Variants in SLC36A2 observed in about 807,000 individuals in gnomAD.
SLC36A2 encodes the protein proton-coupled amino acid transporter 2.
Under a neutral mutation model 42.7 loss-of-function variants are expected in SLC36A2, and 39 were observed. That is an observed-to-expected ratio of 0.91 (90% CI 0.71 to 1.19). The LOEUF (loss-of-function observed/expected upper bound fraction) is 1.19. Among genes scored for constraint, SLC36A2 ranks in the 50% most tolerant of loss-of-function variants. The probability of loss-of-function intolerance (pLI) is 0.00; values close to 1 mark genes in which losing one functional copy is unlikely to be tolerated. For missense variants in SLC36A2, 590 were observed against 613.7 expected (o/e 0.96, Z 0.41); for synonymous variants, 237 against 240.8 (o/e 0.98, Z 0.15).
At chr5:151,342,514 C>T (rs1051820353) in intron 4 of SLC36A2, among the ~76,000 whole-genome samples, 24 of 152,198 alleles carry the variant, frequency 1.6e-4, no homozygotes, top group Non-Finnish European at 2.2e-4. Flanking sequence ...CATATCCAAG[C>T]GGCTATTAAA....
At chr5:151,322,735 T>C (rs1430955362) in intron 8 of SLC36A2, among the ~76,000 whole-genome samples, 1 of 152,184 alleles carries the variant, frequency 6.6e-6, no homozygotes, top group African/African-American at 2.4e-5. Context: ...AGAGACAGTT[T>C]ATAAATAGGG....
rs768282792 is a variant in SLC36A2, at chr5:151,333,365, A to G, written c.745-43T>C. 2.6e-6 allele frequency: 4 copies of G among 1,514,478 alleles called. No individual in the cohort carries two copies. The South Asian group carries it at 4.5e-5, about 17-fold the overall frequency. The allele number at this position is 1,514,478 out of a possible 1,614,324, so 93.8% of individuals were successfully genotyped here. On this transcript the variant is annotated intron_variant, in intron 6 of 9. Transcript: ENST00000335244. ...GCTATGAGACAGTCACTCTTAAAGC[A>G]CATTTGAGCTCCTTTAAGAGAAGGG...
chr5:151,346,615 C>T (rs1756504327), intron 1 of SLC36A2, among the ~76,000 whole-genome samples: 1 of 152,154 alleles, frequency 6.6e-6, no homozygotes, highest in African/African-American at 2.4e-5. Flanking sequence ...TACCACACCC[C>T]ACACCTTTTG....
chr5:151,332,144 G>A (rs896162720), intron 7 of SLC36A2, among the ~76,000 whole-genome samples: 2 of 151,994 alleles, frequency 1.3e-5, no homozygotes, highest in Non-Finnish European at 2.9e-5. Context: ...TGAGATTACC[G>A]ACGTGAACCA....
intron 6 of SLC36A2, among the ~76,000 whole-genome samples, chr5:151,335,059 C>T: frequency 6.6e-6 from 1 of 152,026 alleles, no homozygotes; most frequent in Non-Finnish European, 1.5e-5. Context: ...GTTCACCAAC[C>T]AAGATGTTTT....
chr5:151,316,833 G>T lies in SLC36A2; in HGVS notation c.1436C>A (p.Thr479Asn). 6.2e-7 allele frequency: 1 copy of T among 1,613,992 alleles called. No individual in the cohort carries two copies. Among genetic ancestry groups the T allele is most frequent in the Non-Finnish European group, 8.5e-7 (1 of 1,179,966 alleles). ...SEDSHPFSNS[T>N]TFVR is the part of the protein sequence containing the mutation. ...GTGCCAGGCTCACCGAACAAAAGTG[G>T]TGGAGTTGGAAAAGGGGTGAGAGTC... The change falls in exon 10 of 10, where the codon ACC becomes AAC. Residue 479 changes from threonine to asparagine, a missense_variant. Physicochemically the swap from Thr to Asn is moderately conservative, Grantham distance 65. Coordinates refer to ENST00000335244, the MANE Select transcript of SLC36A2 (RefSeq NM_181776.3).
chr5:151,318,455 T>TA (rs1327975109), intron 9 of SLC36A2, among the ~76,000 whole-genome samples: 6 of 138,732 alleles, frequency 4.3e-5, no homozygotes, highest in East Asian at 2.0e-4. Context: ...ATTTATTATT[T>TA]ATTTTATATA....
intron 5 of SLC36A2, among the ~76,000 whole-genome samples, chr5:151,337,333 G>C (rs1025928965): frequency 6.6e-6 from 1 of 152,088 alleles, no homozygotes; most frequent in Admixed American, 6.5e-5. Context: ...ACCACCCCCC[G>C]GAGGAGGCTT....
At chr5:151,321,897 G>T in intron 9 of SLC36A2, 149 bp downstream of exon 9, 1 of 934,824 alleles carries the variant, frequency 1.1e-6, no homozygotes, top group Non-Finnish European at 1.7e-6. Flanking sequence ...AGGCTTGTCT[G>T]AAACTCCTGA....
chr5:151,321,415 C>T (rs1336689366), intron 9 of SLC36A2, among the ~76,000 whole-genome samples: 3 of 148,814 alleles, frequency 2.0e-5, no homozygotes, highest in African/African-American at 4.9e-5. Flanking sequence ...AACTCCTGAA[C>T]TCAAGCAATC....
At chr5:151,324,246 G>A (rs1319518187) in intron 8 of SLC36A2, among the ~76,000 whole-genome samples, 2 of 152,140 alleles carry the variant, frequency 1.3e-5, no homozygotes, top group African/African-American at 4.8e-5. Context: ...AGGTTCAAGT[G>A]ATTCTCCTGC....
chr5:151,339,313 C>T (rs2431080), intron 4 of SLC36A2, among the ~76,000 whole-genome samples, 169 bp from the exon 5 acceptor site: 4 of 151,026 alleles, frequency 2.6e-5, no homozygotes, highest in African/African-American at 9.8e-5. Flanking sequence ...AGGTAACAAT[C>T]GTTCTTTTTT....
intron 9 of SLC36A2, chr5:151,319,222 G>T: frequency 1.6e-6 from 1 of 634,052 alleles, no homozygotes; most frequent in Non-Finnish European, 2.0e-6. Flanking sequence ...AATTGACAAT[G>T]CATGAAGAAG....
At chr5:151,339,178 G>A (rs1756248019) in intron 4 of SLC36A2, 34 bp from the exon 5 acceptor site, 2 of 1,521,622 alleles carry the variant, frequency 1.3e-6, no homozygotes, top group South Asian at 1.1e-5. Flanking sequence ...AAGAAAACTT[G>A]TTATAAAATA....
intron 1 of SLC36A2, 133 bp from the exon 2 acceptor site, chr5:151,344,400 C>A: frequency 1.3e-6 from 1 of 774,454 alleles, no homozygotes; most frequent in Non-Finnish European, 2.3e-6. Flanking sequence ...CCTTGCCTGG[C>A]ACATCTGGGT....
intron 7 of SLC36A2, among the ~76,000 whole-genome samples, chr5:151,328,227 C>G (rs1241756395): frequency 1.3e-5 from 2 of 152,220 alleles, no homozygotes; most frequent in Admixed American, 1.3e-4. Context: ...CACAATATCT[C>G]TTTCACTAAT....
At chr5:151,319,812 C>T (rs1489577256) in intron 9 of SLC36A2, 1 of 152,566 alleles carries the variant, frequency 6.6e-6, no homozygotes, top group African/African-American at 2.4e-5. Flanking sequence ...GCCTGTACCA[C>T]AGATTGGCAT....
intron 6 of SLC36A2, among the ~76,000 whole-genome samples, chr5:151,334,730 T>C (rs1756097464): frequency 6.6e-6 from 1 of 151,932 alleles, no homozygotes; most frequent in Admixed American, 6.6e-5. Flanking sequence ...AAAGAAAAAT[T>C]AGAAAGGATA....
In SLC36A2 at chr5:151,334,371, T is replaced by G. The variant is rs188245119; in HGVS notation, c.744+958A>C. ...TGCCAAGGGGCTTCTGAGACTTAACTTTCTATGTAGTGTTGTCTATTATAA... is the reference window on the plus strand; with the variant it reads ...TGCCAAGGGGCTTCTGAGACTTAACGTTCTATGTAGTGTTGTCTATTATAA... On this transcript the variant is annotated intron_variant, in intron 6 of 9. Coordinates refer to ENST00000335244, the MANE Select transcript of SLC36A2 (RefSeq NM_181776.3). Among the ~76,000 whole-genome samples, 451 of 152,120 alleles carry G rather than the reference T, an allele frequency of 3.0e-3. 2 individuals carry two copies. The highest frequency in any genetic ancestry group is 4.5e-3 in the Non-Finnish European group (307 of 67,974).
Sources: gnomAD v4.1 joint callset for allele counts (sites outside exome capture counted in the v4.1 genomes callset) on GRCh38, gnomAD v4.1.1 for gene constraint, MANE v1.5 for transcripts, NCBI Gene and HGNC (gene_info 2026-07-23, HGNC 2026-07-21) for gene names.